CLIP2: variants seen among roughly 807,000 people sequenced by gnomAD.
The protein encoded by CLIP2 is CAP-Gly domain containing linker protein 2, also known as CAP-Gly domain-containing linker protein 2.
Under a neutral mutation model 111.7 loss-of-function variants are expected in CLIP2, and 41 were observed. The observed-to-expected ratio is 0.37, with a 90% CI of 0.29 to 0.48. The LOEUF (loss-of-function observed/expected upper bound fraction) is 0.48. Ranked by LOEUF, CLIP2 falls within the 20% of genes least tolerant of loss-of-function variation. The pLI is 0.99. For synonymous variants in CLIP2, 660 were observed against 644.2 expected (o/e 1.02, Z -0.37); for missense variants, 1,160 against 1,422.1 (o/e 0.82, Z 2.96).
rs782685959 is a variant in CLIP2, at chr7:74,364,255, G to A, written c.1320G>A (p.Arg440=). The A allele has an allele frequency of 6.2e-7, 1 of 1,613,196 alleles. No homozygotes were observed. Among genetic ancestry groups the A allele is most frequent in the South Asian group, 1.1e-5 (1 of 90,774 alleles). ...DLSNQLEEER[R]KVEDLQFRVE... is the part of the protein sequence containing the mutation. ...AGCCACCTCTTTCCCTCCCCTGCAG[G>A]AAGGTGGAGGATCTGCAGTTCCGCG... The change falls in exon 8 of 17, where the codon AGG becomes AGA. Residue 440 remains arginine, a splice_region_variant and synonymous_variant. Transcript: ENST00000223398.
rs978929785 is a variant in CLIP2 at position 74,338,761 on chromosome 7, G to A, written c.435G>A (p.Leu145=). The part of the protein sequence containing the change: ...LQGIFTRPSK[L]TRQPTAEGSG... ...GTATCTTCACGCGGCCCTCCAAGCT[G>A]ACCCGGCAGCCCACGGCCGAGGGCT... Residue 145 remains leucine (L), a synonymous_variant, in exon 3 of 17, where the codon CTG becomes CTA. Coordinates refer to ENST00000223398, the MANE Select transcript of CLIP2 (RefSeq NM_003388.5). This position sits in a 1 kb window ranked among gnomAD's most constrained non-coding sequence, Gnocchi z 4.3. 3.7e-6 allele frequency: 6 copies of A among 1,606,174 alleles called. No homozygotes were observed. The African/African-American group carries it at 5.3e-5, about 14-fold the overall frequency.
chr7:74,339,931 A>G (rs1376165321), intron 3 of CLIP2, among the ~76,000 whole-genome samples: 4 of 151,826 alleles, frequency 2.6e-5, no homozygotes, highest in Non-Finnish European at 5.9e-5. Context: ...CTACAAAAAA[A>G]AATACAAACA....
intron 13 of CLIP2, among the ~76,000 whole-genome samples, chr7:74,395,247 C>T (rs1761105346): frequency 6.6e-6 from 1 of 151,970 alleles, no homozygotes; most frequent in Non-Finnish European, 1.5e-5. Flanking sequence ...GCAACCTCTG[C>T]CTCCTGGGTT....
intron 3 of CLIP2, among the ~76,000 whole-genome samples, chr7:74,341,086 C>T (rs192064742): frequency 6.6e-6 from 1 of 152,228 alleles, no homozygotes; most frequent in Non-Finnish European, 1.5e-5. Flanking sequence ...ACACCCATGG[C>T]CCCGTTGAAT....
intron 1 of CLIP2, among the ~76,000 whole-genome samples, chr7:74,307,664 T>G (rs1181324197): frequency 6.6e-6 from 1 of 152,084 alleles, no homozygotes; most frequent in Non-Finnish European, 1.5e-5. Flanking sequence ...CTAATTTTTT[T>G]GTATTTTTAG....
At chr7:74,369,340 G>A (rs1355809295) in intron 8 of CLIP2, among the ~76,000 whole-genome samples, 1 of 152,092 alleles carries the variant, frequency 6.6e-6, no homozygotes, top group Non-Finnish European at 1.5e-5. Flanking sequence ...AACAGAGTGA[G>A]ACTCTGTCTC....
At chr7:74,397,278 G>A in intron 14 of CLIP2, 45 bp downstream of exon 14, 1 of 1,587,596 alleles carries the variant, frequency 6.3e-7, no homozygotes, top group Non-Finnish European at 8.6e-7. Flanking sequence ...ACTAGTCCGG[G>A]TGGGGCTGGG....
At position 74,400,401 on chromosome 7, in the gene CLIP2, G is replaced by T; in HGVS notation, c.2912G>T (p.Arg971Leu). 1 of 1,613,088 alleles carries T rather than the reference G, an allele frequency of 6.2e-7. No individual in the cohort carries two copies. Among genetic ancestry groups the T allele is most frequent in the East Asian group, 2.2e-5 (1 of 44,856 alleles). The change falls in exon 15 of 17, where the codon CGC (arginine) becomes CTC (leucine). Residue 971 changes from arginine to leucine, a missense_variant. Around this residue, in one of 5 missense-constraint regions of CLIP2, gnomAD observed 676 missense variants for 777.8 expected, o/e 0.87. Transcript: ENST00000223398. ...DKEKSLSDQR[R>L]YSLIDRSSAP... is the part of the protein sequence containing the mutation. ...GAGAAATCCCTGTCGGATCAGAGGCGCTACTCCCTCATCGACCGGTCCTCG... is the reference window on the plus strand; with the variant it reads ...GAGAAATCCCTGTCGGATCAGAGGCTCTACTCCCTCATCGACCGGTCCTCG...
chr7:74,364,159 A>T, intron 7 of CLIP2, 96 bp from the exon 8 acceptor site: 1 of 1,153,572 alleles, frequency 8.7e-7, no homozygotes, highest in South Asian at 1.4e-5. Context: ...ATTCTGGGCC[A>T]TTCTCATGGC....
chr7:74,397,678 T>C lies in CLIP2; in HGVS notation c.2880+445T>C, dbSNP rs556134517. Among the ~76,000 whole-genome samples, 5 of 145,702 alleles carry C rather than the reference T, an allele frequency of 3.4e-5. No individual in the cohort carries two copies. In the South Asian group the frequency reaches 1.1e-3, roughly 33 times the overall value. On this transcript the variant is annotated intron_variant, in intron 14 of 16. Coordinates refer to ENST00000223398, the MANE Select transcript of CLIP2 (RefSeq NM_003388.5). Reference sequence around the variant, plus strand: ...CTGAGTTTTTTTTGTTTTTTTTTTTTTTTTTTGAGACAGAGTCTCGCTCTG... The same window carrying C: ...CTGAGTTTTTTTTGTTTTTTTTTTTCTTTTTTGAGACAGAGTCTCGCTCTG...
intron 1 of CLIP2, among the ~76,000 whole-genome samples, chr7:74,306,486 G>A (rs1309970489): frequency 6.6e-6 from 1 of 152,172 alleles, no homozygotes; most frequent in African/African-American, 2.4e-5. Context: ...CTCGCCCCAG[G>A]ATGAGGCTGG....
chr7:74,375,369 T>TGAC (rs1554312571), intron 9 of CLIP2, among the ~76,000 whole-genome samples: 2 of 148,982 alleles, frequency 1.3e-5, no homozygotes, highest in African/African-American at 5.0e-5. Flanking sequence ...GGCAAAAGAG[T>TGAC]GACACCCCAT....
intron 7 of CLIP2, among the ~76,000 whole-genome samples, chr7:74,362,269 C>T (rs1458514580): frequency 6.6e-6 from 1 of 152,070 alleles, no homozygotes; most frequent in Non-Finnish European, 1.5e-5. Flanking sequence ...TCTCTACCTC[C>T]TAGATGATGC....
chr7:74,386,015 T>C (rs1554314705), intron 11 of CLIP2, among the ~76,000 whole-genome samples: 1 of 150,794 alleles, frequency 6.6e-6, no homozygotes, highest in Non-Finnish European at 1.5e-5. Flanking sequence ...ATGCTGGGAT[T>C]ATAGGCATGA....
chr7:74,347,629 G>T (rs782630234), intron 3 of CLIP2, among the ~76,000 whole-genome samples: 2 of 152,176 alleles, frequency 1.3e-5, no homozygotes, highest in Non-Finnish European at 2.9e-5. Flanking sequence ...TGGCGGCCAC[G>T]CCTACTCCCT....
intron 3 of CLIP2, among the ~76,000 whole-genome samples, chr7:74,350,107 G>A (rs1789940846): frequency 6.6e-6 from 1 of 152,110 alleles, no homozygotes; most frequent in Non-Finnish European, 1.5e-5. Context: ...AGGCTAGAGT[G>A]CAGTGGCGCA....
intron 2 of CLIP2, among the ~76,000 whole-genome samples, chr7:74,331,890 A>AC (rs1248154094): frequency 2.0e-5 from 3 of 151,866 alleles, no homozygotes; most frequent in Non-Finnish European, 2.9e-5. Flanking sequence ...GTTTCATTCT[A>AC]CATCTTCCTG....
Position 74,322,667 on chromosome 7 carries a change from C to CA in CLIP2, c.121+5004dup, listed in dbSNP as rs201931129. Among the ~76,000 whole-genome samples the CA allele has an allele frequency of 5.0e-3, 752 of 151,472 alleles. 8 individuals carry two copies. Among genetic ancestry groups the CA allele is most frequent in the African/African-American group, 0.018 (727 of 41,336 alleles). On this transcript the variant is annotated intron_variant, in intron 2 of 16. Coordinates refer to ENST00000223398, the MANE Select transcript of CLIP2 (RefSeq NM_003388.5). ...AATCCATCCTCACACCTTGACCTCCCAAAATTCTGGAATTACAGGCGTGAG... is the reference window on the plus strand; with the variant it reads ...AATCCATCCTCACACCTTGACCTCCCAAAAATTCTGGAATTACAGGCGTGAG...
chr7:74,380,079 A>AG (rs1790899736), intron 10 of CLIP2: 1 of 152,158 alleles, frequency 6.6e-6, no homozygotes, highest in Admixed American at 6.5e-5. Context: ...CAGAAGTATG[A>AG]GGGGCAGGAT....
Sources: gnomAD v4.1 joint callset for allele counts (sites outside exome capture counted in the v4.1 genomes callset) on GRCh38, gnomAD v4.1.1 for gene constraint, gnomAD v4.1.1 regional missense constraint, Gnocchi (gnomAD v3.1) non-coding constraint, MANE v1.5 for transcripts, NCBI Gene and HGNC (gene_info 2026-07-23, HGNC 2026-07-21) for gene names.